TTLL6: variants seen among roughly 807,000 people sequenced by gnomAD.
TTLL6 encodes the protein tubulin polyglutamylase TTLL6.
TTLL6 carries 75 observed loss-of-function variants against 96.4 expected under a neutral mutation model. The observed-to-expected ratio is 0.78, with a 90% CI of 0.65 to 0.94. The LOEUF is 0.94. TTLL6 is among the 40% of genes least tolerant of loss of function. The pLI is 0.00. For missense variants in TTLL6, 1,030 were observed against 1,093.0 expected, an observed-to-expected ratio of 0.94 and a Z score of 0.81; for synonymous variants, 411 against 419.4, an observed-to-expected ratio of 0.98 and a Z score of 0.24.
At chr17:48,796,167 C>G (rs764063224) in intron 7 of TTLL6, 21 bp from the exon 8 acceptor site, 34 of 1,545,430 alleles carry the variant, frequency 2.2e-5, no homozygotes, top group African/African-American at 4.1e-5. Context: ...AGACACACAT[C>G]TGTCGGGTCA....
At chr17:48,815,066 C>CCG (rs1306286348) in intron 1 of TTLL6, among the ~76,000 whole-genome samples, 15 of 152,290 alleles carry the variant, frequency 9.8e-5, no homozygotes, top group Middle Eastern at 3.4e-3. Context: ...GCATGAGCCA[C>CCG]CGCGCCCAGC....
chr17:48,813,001 T>C (rs2039616674), intron 1 of TTLL6, among the ~76,000 whole-genome samples: 1 of 152,196 alleles, frequency 6.6e-6, no homozygotes, highest in African/African-American at 2.4e-5. Context: ...AAAGCATTTA[T>C]AAACATAATG....
chr17:48,774,232 T>TTTTC (rs2038821768), intron 13 of TTLL6, among the ~76,000 whole-genome samples: 1 of 111,020 alleles, frequency 9.0e-6, no homozygotes, highest in Non-Finnish European at 1.8e-5. Flanking sequence ...CCAGGTTTGT[T>TTTTC]GTTTTTTTTT....
At chr17:48,813,758 T>C (rs754926908) in intron 1 of TTLL6, among the ~76,000 whole-genome samples, 7 of 152,170 alleles carry the variant, frequency 4.6e-5, no homozygotes, top group African/African-American at 7.2e-5. Flanking sequence ...GTCCACATTG[T>C]ACCAGGGCTC....
intron 13 of TTLL6, among the ~76,000 whole-genome samples, chr17:48,777,700 A>G (rs1275365784): frequency 1.3e-5 from 2 of 150,672 alleles, no homozygotes; most frequent in Non-Finnish European, 3.0e-5. Context: ...CATTGCACTC[A>G]AGCCTGGGCG....
intron 13 of TTLL6, among the ~76,000 whole-genome samples, chr17:48,773,111 C>T (rs895402424): frequency 1.1e-4 from 8 of 74,374 alleles, no homozygotes; most frequent in South Asian, 6.1e-4. Flanking sequence ...AAACAGTCAG[C>T]GAGTTTGACT....
intron 5 of TTLL6, among the ~76,000 whole-genome samples, chr17:48,801,028 G>A (rs553516860): frequency 5.9e-5 from 9 of 152,232 alleles, no homozygotes; most frequent in South Asian, 2.1e-4. Flanking sequence ...CCAACTGCAC[G>A]TACAGGCTCC....
intron 15 of TTLL6, among the ~76,000 whole-genome samples, chr17:48,763,446 T>C (rs539685183): frequency 6.6e-6 from 1 of 152,288 alleles, no homozygotes; most frequent in East Asian, 1.9e-4. Flanking sequence ...CAGGTACCAT[T>C]GATTCAGTAA....
intron 13 of TTLL6, among the ~76,000 whole-genome samples, chr17:48,775,982 C>T (rs1341273371): frequency 6.6e-6 from 1 of 152,124 alleles, no homozygotes; most frequent in Non-Finnish European, 1.5e-5. Context: ...CCGCTAAAAT[C>T]AGAAACAAGA....
chr17:48,817,053 T>G lies in TTLL6; in HGVS notation c.20A>C (p.His7Pro), dbSNP rs1229535052. The change falls in exon 1 of 16, where the codon CAT becomes CCT. Residue 7 changes from histidine (H) to proline (P), a missense_variant. By Grantham distance (77) the His-to-Pro change is moderately conservative. Coordinates refer to ENST00000393382, the MANE Select transcript of TTLL6 (RefSeq NM_001130918.3). Reference protein sequence around the residue: MGALLLHPSRRGPAGVV... With the variant: MGALLLPPSRRGPAGVV... The stretch of plus-strand genomic sequence containing the variant: ...ACCTGCCGGCCCCCTCCTCGAAGGA[T>G]GAAGGAGTAACGCTCCCATTGGCTG... 1 of 1,544,324 alleles carries G rather than the reference T, an allele frequency of 6.5e-7. No homozygotes were observed. Among genetic ancestry groups the G allele is most frequent in the Non-Finnish European group, 8.7e-7 (1 of 1,145,732 alleles).
chr17:48,793,970 C>T (rs1354461225), intron 8 of TTLL6, among the ~76,000 whole-genome samples: 1 of 151,948 alleles, frequency 6.6e-6, no homozygotes, highest in Non-Finnish European at 1.5e-5. Context: ...GAGAATACAC[C>T]CATTCTGGGA....
At chr17:48,794,543 C>T (rs1271600918) in intron 8 of TTLL6, among the ~76,000 whole-genome samples, 3 of 152,136 alleles carry the variant, frequency 2.0e-5, no homozygotes, top group Admixed American at 2.0e-4. Context: ...CAGAGTGCCA[C>T]GCTCAGAACG....
rs535366537 is a variant in TTLL6 at position 48,803,844 on chromosome 17, G to A, written c.361+47C>T. On this transcript the variant is annotated intron_variant, in intron 3 of 15. Transcript: ENST00000393382. ...AGTGACTCTTCCCAACCCTTTGGGA[G>A]AATCCAGTGGGTCCCCATTATAGAT... The A allele has an allele frequency of 3.2e-5, 50 of 1,545,176 alleles. No individual in the cohort carries two copies. The South Asian group carries it at 5.7e-4, about 18-fold the overall frequency.
chr17:48,790,707 G>A (rs2039201661), intron 9 of TTLL6, among the ~76,000 whole-genome samples: 1 of 152,214 alleles, frequency 6.6e-6, no homozygotes, highest in Non-Finnish European at 1.5e-5. Context: ...GGGAATGGAA[G>A]AAGGGCAAAG....
chr17:48,804,698 C>G (rs2039479359), intron 2 of TTLL6, 74 bp downstream of exon 2: 4 of 1,297,036 alleles, frequency 3.1e-6, no homozygotes, highest in Non-Finnish European at 4.3e-6. Flanking sequence ...CATCATCAGC[C>G]AAGACCCCCT....
At chr17:48,791,854 ACACTTT>A in intron 8 of TTLL6, among the ~76,000 whole-genome samples, 1 of 152,328 alleles carries the variant, frequency 6.6e-6, no homozygotes, top group East Asian at 1.9e-4. Flanking sequence ...CATGGTCAGG[ACACTTT>A]CACTTTCACT....
intron 13 of TTLL6, among the ~76,000 whole-genome samples, chr17:48,771,669 G>A (rs1300378948): frequency 1.3e-5 from 2 of 150,740 alleles, no homozygotes. Flanking sequence ...ACACATTAGT[G>A]TATATATATA....
At chr17:48,793,338 C>A (rs2039260201) in intron 8 of TTLL6, among the ~76,000 whole-genome samples, 1 of 152,104 alleles carries the variant, frequency 6.6e-6, no homozygotes, top group East Asian at 1.9e-4. Context: ...TTGTAACCCT[C>A]AAGGAGCAAA....
At chr17:48,780,687 C>A (rs2038968739) in intron 13 of TTLL6, among the ~76,000 whole-genome samples, 1 of 152,136 alleles carries the variant, frequency 6.6e-6, no homozygotes, top group Admixed American at 6.6e-5. Flanking sequence ...ACCATGATTC[C>A]ACTTTCTAAG....
Sources: allele counts gnomAD v4.1 joint callset (sites outside exome capture counted in the v4.1 genomes callset), GRCh38; gene constraint gnomAD v4.1.1; transcripts MANE v1.5; gene names NCBI Gene and HGNC (gene_info 2026-07-23, HGNC 2026-07-21).